Variants in MALRD1 observed in about 807,000 individuals in gnomAD.
MALRD1 encodes the protein MAM and LDL-receptor class A domain-containing protein 1.
In MALRD1, 247 loss-of-function variants were observed where a neutral mutation model predicts 242.1. That is an observed-to-expected ratio of 1.02 (90% confidence interval 0.92 to 1.13). The LOEUF (loss-of-function observed/expected upper bound fraction) is 1.13. Among genes scored for constraint, MALRD1 ranks in the 50% most tolerant of loss-of-function variants. MALRD1 has a pLI of 0.00. For missense variants in MALRD1, 2,989 were observed against 2,533.1 expected, an observed-to-expected ratio of 1.18 and a Z score of -3.86; for synonymous variants, 995 against 866.6, an observed-to-expected ratio of 1.15 and a Z score of -2.60.
At chr10:19,327,413 A>T in intron 22 of MALRD1, 150 bp from the exon 23 acceptor site, 1 of 579,998 alleles carries the variant, frequency 1.7e-6, no homozygotes, top group South Asian at 2.4e-5. Flanking sequence ...GAAAACAAAG[A>T]TATCTAATAA....
chr10:19,121,601 A>T (rs1837067725), intron 5 of MALRD1, among the ~76,000 whole-genome samples: 1 of 140,922 alleles, frequency 7.1e-6, no homozygotes, highest in Non-Finnish European at 1.5e-5. Flanking sequence ...AGAGAAAGAG[A>T]ACACATCGTT....
chr10:19,146,224 T>A lies in MALRD1; in HGVS notation c.1438T>A (p.Ser480Thr). Residue 480 changes from serine (S) to threonine (T), a missense_variant, in exon 11 of 40, where the codon TCG becomes ACG. Physicochemically the swap from Ser to Thr is moderately conservative, Grantham distance 58. Transcript: ENST00000454679. ...CSKHLTCDFE[S>T]GFCGWEPFLT... ...AAAGCATCTCACCTGTGACTTTGAG[T>A]CGGGTTTCTGCGGTTGGGAGCCATT... 8.1e-7 allele frequency: 1 copy of A among 1,231,668 alleles called. No individual in the cohort carries two copies. Among genetic ancestry groups the A allele is most frequent in the Non-Finnish European group, 1.0e-6 (1 of 987,952 alleles). 76.3% of individuals were successfully genotyped at this position (1,231,668 alleles called of 1,614,324 possible). A position where few individuals can be genotyped will look rare whatever the true frequency, so the allele number is the denominator to read the frequency against.
rs1456044126 is a variant in MALRD1 at position 19,530,402 on chromosome 10, TA to T, written c.5321-791del. Among the ~76,000 whole-genome samples the T allele has an allele frequency of 3.3e-3, 106 of 31,936 alleles. 1 individual carries two copies. The highest frequency in any genetic ancestry group is 0.012 in the Middle Eastern group (1 of 84). The allele number at this position is 31,936 out of a possible 152,430, so 21.0% of individuals were successfully genotyped here. On this transcript the variant is annotated intron_variant, in intron 31 of 39. Transcript: ENST00000454679. ...AAATATTATATATTTATATAAATAT[TA>T]TATATTTATATAATAATAAATATAT...
intron 33 of MALRD1, among the ~76,000 whole-genome samples, chr10:19,591,497 G>GTTTTTTTTTTTTTTTTTTTTTTTTA (rs35785107): frequency 8.6e-6 from 1 of 116,296 alleles, no homozygotes; most frequent in Non-Finnish European, 1.8e-5. Context: ...TTTTATTTTA[G>GTTTTTTTTTTTTTTTTTTTTTTTTA]TTTTTTTTTT....
intron 5 of MALRD1, among the ~76,000 whole-genome samples, chr10:19,117,265 G>A (rs74885694): frequency 0.1 from 15,460 of 152,026 alleles, 937 homozygotes; most frequent in Middle Eastern, 0.14. Context: ...TGCATACCAG[G>A]CCAAAATACT....
intron 28 of MALRD1, among the ~76,000 whole-genome samples, chr10:19,397,776 T>C (rs1183219452): frequency 1.3e-5 from 2 of 152,134 alleles, no homozygotes; most frequent in Non-Finnish European, 2.9e-5. Context: ...GTCTGTGAAT[T>C]TGAGGTCTTA....
intron 33 of MALRD1, among the ~76,000 whole-genome samples, chr10:19,575,951 G>A (rs1300952828): frequency 6.6e-6 from 1 of 152,140 alleles, no homozygotes; most frequent in Non-Finnish European, 1.5e-5. Flanking sequence ...CAGAAAGATA[G>A]ACCACTCCCC....
At chr10:19,085,813 C>T (rs1188690935) in intron 2 of MALRD1, among the ~76,000 whole-genome samples, 4 of 151,748 alleles carry the variant, frequency 2.6e-5, no homozygotes, top group South Asian at 4.2e-4. Flanking sequence ...TAGGTAATAT[C>T]GTTGACAAAT....
chr10:19,568,152 GA>G (rs113969705), intron 33 of MALRD1, among the ~76,000 whole-genome samples: 60 of 150,608 alleles, frequency 4.0e-4, no homozygotes, highest in African/African-American at 1.3e-3. Flanking sequence ...ATTTCAAAAA[GA>G]AAAAAAAAGT....
intron 14 of MALRD1, among the ~76,000 whole-genome samples, chr10:19,202,582 T>A (rs1302714553): frequency 3.9e-5 from 6 of 152,174 alleles, no homozygotes; most frequent in Non-Finnish European, 7.3e-5. Flanking sequence ...AGTTTACACT[T>A]TTTTCCCTAA....
intron 24 of MALRD1, among the ~76,000 whole-genome samples, chr10:19,339,889 G>A (rs1843769535): frequency 6.6e-6 from 1 of 152,134 alleles, no homozygotes; most frequent in Admixed American, 6.6e-5. Context: ...GGCTGGGGAG[G>A]CCTCAGGAAA....
In MALRD1 at chr10:19,204,944, C is replaced by T; in HGVS notation, c.2257C>T (p.His753Tyr). 2 of 1,550,306 alleles carry T rather than the reference C, an allele frequency of 1.3e-6. No homozygotes were observed. The highest frequency in any genetic ancestry group is 1.7e-6 in the Non-Finnish European group (2 of 1,146,774). Residue 753 changes from histidine (H) to tyrosine (Y), a missense_variant, in exon 17 of 40, where the codon CAT (histidine) becomes TAT (tyrosine). His to Tyr is a moderately conservative substitution (Grantham distance 83). Transcript: ENST00000454679. ...LSVGAAELQL[H>Y]MENSHDSTVI... The stretch of plus-strand genomic sequence containing the variant: ...AGTGGGAGCAGCTGAGCTGCAGCTA[C>T]ATATGGAAAATTCTCATGACTCAAC...
intron 36 of MALRD1, among the ~76,000 whole-genome samples, chr10:19,654,540 C>T (rs1010220375): frequency 4.6e-5 from 7 of 152,106 alleles, no homozygotes; most frequent in African/African-American, 1.4e-4. Context: ...CTTGTTCTGA[C>T]TATATTTGAG....
At chr10:19,638,872 G>A (rs1271620366) in intron 36 of MALRD1, among the ~76,000 whole-genome samples, 1 of 152,092 alleles carries the variant, frequency 6.6e-6, no homozygotes, top group African/African-American at 2.4e-5. Context: ...TTTGTCATGT[G>A]GGTGACCATC....
intron 33 of MALRD1, among the ~76,000 whole-genome samples, chr10:19,569,940 G>A (rs910967505): frequency 1.3e-5 from 2 of 151,362 alleles, no homozygotes; most frequent in Non-Finnish European, 2.9e-5. Context: ...CTAACATAGG[G>A]CCTAGGAAAT....
At chr10:19,201,590 G>A (rs1564462764) in intron 14 of MALRD1, among the ~76,000 whole-genome samples, 1 of 152,050 alleles carries the variant, frequency 6.6e-6, no homozygotes, top group Admixed American at 6.5e-5. Flanking sequence ...AGAATCAAAA[G>A]CATTTGCTTC....
intron 26 of MALRD1, among the ~76,000 whole-genome samples, chr10:19,365,367 A>G (rs1845062390): frequency 6.6e-6 from 1 of 152,086 alleles, no homozygotes; most frequent in Admixed American, 6.6e-5. Context: ...AAATAGTTGA[A>G]CTGGACATAC....
At chr10:19,366,817 A>G (rs1465171630) in intron 26 of MALRD1, among the ~76,000 whole-genome samples, 2 of 152,078 alleles carry the variant, frequency 1.3e-5, no homozygotes, top group Non-Finnish European at 2.9e-5. Flanking sequence ...TAACTAAACA[A>G]TTTTAAAATA....
chr10:19,204,983 G>A lies in MALRD1; in HGVS notation c.2296G>A (p.Val766Ile), dbSNP rs770997043. Reference sequence around the variant, plus strand: ...TCATGACTCAACAGTGATTTGGAGAGTATTATACAATCAGGGCAAACAATG... The same window carrying A: ...TCATGACTCAACAGTGATTTGGAGAATATTATACAATCAGGGCAAACAATG... The part of the protein sequence containing the change: ...NSHDSTVIWR[V>I]LYNQGKQWLE... The change falls in exon 17 of 40, where the codon GTA (valine) becomes ATA (isoleucine). Residue 766 changes from valine (V) to isoleucine (I), a missense_variant. Coordinates refer to ENST00000454679, the MANE Select transcript of MALRD1 (RefSeq NM_001142308.3). The A allele has an allele frequency of 1.9e-6, 3 of 1,550,706 alleles. No individual in the cohort carries two copies. The highest frequency in any genetic ancestry group is 2.7e-5 in the African/African-American group (2 of 73,040).
Sources: allele counts gnomAD v4.1 joint callset (sites outside exome capture counted in the v4.1 genomes callset), GRCh38; gene constraint gnomAD v4.1.1; transcripts MANE v1.5; gene names NCBI Gene and HGNC (gene_info 2026-07-23, HGNC 2026-07-21).